The following ANKS1B variants were observed in gnomAD, a reference collection of about 807,000 sequenced individuals.
ANKS1B encodes the protein ankyrin repeat and sterile alpha motif domain-containing protein 1B.
A neutral mutation model predicts 148.3 loss-of-function variants in ANKS1B; 36 were observed. The observed-to-expected ratio is 0.24, with a 90% CI of 0.19 to 0.32. ANKS1B has a LOEUF of 0.32. Among genes scored for constraint, ANKS1B ranks in the 10% least tolerant of loss-of-function variants. The probability of loss-of-function intolerance (pLI) is 1.00; values close to 1 mark genes in which losing one functional copy is unlikely to be tolerated. For synonymous variants in ANKS1B, 542 were observed against 560.8 expected (o/e 0.97, Z 0.47); for missense variants, 1,157 against 1,542.6 (o/e 0.75, Z 4.19).
chr12:99,392,943 C>T (rs560880044), intron 12 of ANKS1B, among the ~76,000 whole-genome samples: 1 of 152,086 alleles, frequency 6.6e-6, no homozygotes, highest in Admixed American at 6.5e-5. Flanking sequence ...CTGAGATTTC[C>T]CCATCTCCAC....
intron 1 of ANKS1B, among the ~76,000 whole-genome samples, chr12:99,945,178 T>TG (rs1241613633): frequency 6.6e-6 from 1 of 152,056 alleles, no homozygotes; most frequent in Non-Finnish European, 1.5e-5. Flanking sequence ...TGATGTGCTA[T>TG]GGGGACTGGA....
At chr12:99,610,538 C>G (rs1001508556) in intron 9 of ANKS1B, among the ~76,000 whole-genome samples, 1 of 151,952 alleles carries the variant, frequency 6.6e-6, no homozygotes, top group South Asian at 2.1e-4. Flanking sequence ...TATGAACCAC[C>G]TTGGTGAAGA....
At chr12:99,810,914 T>C (rs1602645596) in intron 3 of ANKS1B, among the ~76,000 whole-genome samples, 1 of 151,958 alleles carries the variant, frequency 6.6e-6, no homozygotes, top group African/African-American at 2.4e-5. Context: ...ATAAATGATC[T>C]AACTGTTGGT....
rs1438681808 is a variant in ANKS1B at position 99,406,220 on chromosome 12, A to G, written c.1576-6409T>C. ...TTCAATGAACAGTTACAGAATATAC[A>G]TTCTTCTCCTTAGTACATGAATAAT... On this transcript the variant is annotated intron_variant, in intron 11 of 26. Coordinates refer to ENST00000683438, the MANE Select transcript of ANKS1B (RefSeq NM_001352186.2). 5.5e-5 allele frequency among the ~76,000 whole-genome samples: 8 copies of G among 145,386 alleles called. 2 individuals are homozygous for G. The highest frequency in any genetic ancestry group is 2.1e-4 in the African/African-American group (8 of 38,210).
chr12:99,355,624 C>T (rs1005668798), intron 12 of ANKS1B, among the ~76,000 whole-genome samples: 3 of 152,202 alleles, frequency 2.0e-5, no homozygotes, highest in African/African-American at 2.4e-5. Context: ...TTACATTTGT[C>T]GTTTTGTCTT....
chr12:98,952,712 C>A (rs1406052117), intron 17 of ANKS1B, among the ~76,000 whole-genome samples: 1 of 152,196 alleles, frequency 6.6e-6, no homozygotes, highest in Non-Finnish European at 1.5e-5. Context: ...GAAGTTTCCA[C>A]TTAGAATTCT....
intron 19 of ANKS1B, among the ~76,000 whole-genome samples, chr12:98,812,077 TA>T (rs1360631551): frequency 6.6e-6 from 1 of 152,268 alleles, no homozygotes; most frequent in Non-Finnish European, 1.5e-5. Flanking sequence ...TTTCTATTTA[TA>T]AGCTATGTTG....
At chr12:99,086,577 C>A (rs1462156833) in intron 15 of ANKS1B, among the ~76,000 whole-genome samples, 2 of 152,240 alleles carry the variant, frequency 1.3e-5, no homozygotes, top group African/African-American at 4.8e-5. Context: ...AGTTTCCCTA[C>A]CTATAAAATG....
chr12:99,565,442 C>G (rs1409056984), intron 9 of ANKS1B, among the ~76,000 whole-genome samples: 1 of 152,180 alleles, frequency 6.6e-6, no homozygotes, highest in Non-Finnish European at 1.5e-5. Flanking sequence ...CTATAGACAT[C>G]ACAGTTCTAA....
intron 1 of ANKS1B, among the ~76,000 whole-genome samples, chr12:99,892,968 A>T (rs2093189822): frequency 6.6e-6 from 1 of 152,206 alleles, no homozygotes; most frequent in African/African-American, 2.4e-5. Context: ...CTGACATTAG[A>T]GGACCCCCCA....
intron 9 of ANKS1B, among the ~76,000 whole-genome samples, chr12:99,535,694 T>C (rs1179043710): frequency 2.0e-5 from 3 of 152,142 alleles, no homozygotes; most frequent in African/African-American, 7.2e-5. Flanking sequence ...CTCACAATTC[T>C]ACTTCTTCAA....
chr12:99,283,129 A>G (rs559918528), intron 12 of ANKS1B, among the ~76,000 whole-genome samples: 5 of 152,292 alleles, frequency 3.3e-5, no homozygotes, highest in East Asian at 1.9e-4. Flanking sequence ...TTCAGTTTCC[A>G]TAAGTGAAAA....
chr12:99,893,132 C>T (rs746765048), intron 1 of ANKS1B, among the ~76,000 whole-genome samples: 6 of 151,954 alleles, frequency 3.9e-5, no homozygotes, highest in Non-Finnish European at 5.9e-5. Context: ...AACTATAGGC[C>T]GGGTGCAGTG....
chr12:98,804,027 A>G (rs566367536), intron 20 of ANKS1B, among the ~76,000 whole-genome samples: 2 of 152,344 alleles, frequency 1.3e-5, no homozygotes, highest in East Asian at 3.9e-4. Flanking sequence ...TTAGTGGAAC[A>G]TCCACTTAAA....
intron 8 of ANKS1B, among the ~76,000 whole-genome samples, chr12:99,664,754 T>C (rs1230063335): frequency 1.3e-5 from 2 of 152,178 alleles, no homozygotes; most frequent in Non-Finnish European, 2.9e-5. Context: ...TGCCACAATA[T>C]AGTAGCATAT....
intron 8 of ANKS1B, among the ~76,000 whole-genome samples, chr12:99,739,342 T>TGG (rs572176200): frequency 3.8e-4 from 47 of 124,204 alleles, no homozygotes; most frequent in Admixed American, 7.3e-4. Context: ...GGGTTTTTTT[T>TGG]GGGGGGGGCG....
At chr12:99,279,958 C>T (rs914365039) in intron 12 of ANKS1B, among the ~76,000 whole-genome samples, 13 of 151,894 alleles carry the variant, frequency 8.6e-5, no homozygotes, top group African/African-American at 2.9e-4. Flanking sequence ...GAGTTGTGAT[C>T]GCACAACTGC....
Position 99,773,062 on chromosome 12 carries a change from T to C in ANKS1B, c.988A>G (p.Lys330Glu). The C allele has an allele frequency of 2.5e-6, 4 of 1,608,290 alleles. No individual in the cohort carries two copies. The highest frequency in any genetic ancestry group is 1.7e-4 in the Middle Eastern group (1 of 6,028). ...CAGAGTTTTATTTCATCCAAGAGTT[T>C]TGATAATTCTCCAGTGACGGTTTCA... ...KSETVTGELS[K>E]LLDEIKLCQE... Residue 330 changes from lysine (K) to glutamate (E), a missense_variant, in exon 8 of 27, where the codon AAA becomes GAA. Lys to Glu is a moderately conservative substitution (Grantham distance 56). Transcript: ENST00000683438.
At chr12:99,189,573 A>G (rs533843770) in intron 14 of ANKS1B, among the ~76,000 whole-genome samples, 76 of 152,354 alleles carry the variant, frequency 5.0e-4, no homozygotes, top group Middle Eastern at 3.4e-3. Context: ...TCCATGACAT[A>G]AACAGAACCA....
Sources: gnomAD v4.1 joint callset for allele counts (sites outside exome capture counted in the v4.1 genomes callset) on GRCh38, gnomAD v4.1.1 for gene constraint, MANE v1.5 for transcripts, NCBI Gene and HGNC (gene_info 2026-07-23, HGNC 2026-07-21) for gene names.